COLEC10: variants seen among roughly 807,000 people sequenced by gnomAD.
COLEC10 encodes the protein collectin-10.
COLEC10 carries 22 observed loss-of-function variants against 28.4 expected under a neutral mutation model. The observed-to-expected ratio is 0.78, with a 90% confidence interval of 0.55 to 1.11. The LOEUF is 1.11. Ranked by LOEUF, COLEC10 falls within the 50% of genes least tolerant of loss-of-function variation. The pLI, the probability that COLEC10 is intolerant of heterozygous loss-of-function variation, is 0.00. For missense variants in COLEC10, 361 were observed against 344.1 expected, an observed-to-expected ratio of 1.05 and a Z score of -0.39; for synonymous variants, 125 against 116.1, an observed-to-expected ratio of 1.08 and a Z score of -0.49.
chr8:118,992,334 C>T (rs766843716), upstream of COLEC10, among the ~76,000 whole-genome samples: 1 of 152,054 alleles, frequency 6.6e-6, no homozygotes, highest in Non-Finnish European at 1.5e-5. Flanking sequence ...CTTTAGGGGT[C>T]ATTTATACAG....
At chr8:118,991,820 T>A (rs1264399445), upstream of COLEC10, among the ~76,000 whole-genome samples, 2 of 151,862 alleles carry the variant, frequency 1.3e-5, no homozygotes, top group Non-Finnish European at 2.9e-5. Flanking sequence ...GGTACTGAGA[T>A]AAATTATATT....
At chr8:119,050,506 T>C (rs546714157) in intron 2 of COLEC10, among the ~76,000 whole-genome samples, 2 of 152,330 alleles carry the variant, frequency 1.3e-5, no homozygotes, top group African/African-American at 4.8e-5. Flanking sequence ...TACACACTTA[T>C]AGTCTGATTA....
chr8:119,011,331 G>C, intron 2 of COLEC10, among the ~76,000 whole-genome samples: 1 of 150,746 alleles, frequency 6.6e-6, no homozygotes, highest in Non-Finnish European at 1.5e-5. Context: ...CTGATCCACC[G>C]ATCTATTTGT....
At chr8:119,097,857 T>C (rs540196618) in intron 3 of COLEC10, among the ~76,000 whole-genome samples, 1 of 152,172 alleles carries the variant, frequency 6.6e-6, no homozygotes, top group South Asian at 2.1e-4. Flanking sequence ...AAGTCCAGAA[T>C]TGAAGAACTT....
At chr8:118,969,732 T>C in the COLEC10 span, among the ~76,000 whole-genome samples, 103 of 151,822 alleles carry the variant, frequency 6.8e-4, no homozygotes, top group African/African-American at 2.4e-3. Context: ...TATAATAAAT[T>C]CCTTCATTTA....
Position 119,010,941 on chromosome 8 carries a change from A to C in COLEC10, n.235+1388A>C, listed in dbSNP as rs950192285. ...TCTTACGTCTTTCTCTCAGTGTGTG[A>C]TTCTCTTTCAATTCTCTTGCTAGTG... On this transcript the variant is annotated intron_variant and non_coding_transcript_variant, in intron 2 of 6. Coordinates refer to the COLEC10 transcript ENST00000521788. Among the ~76,000 whole-genome samples the C allele has an allele frequency of 2.7e-5, 4 of 150,834 alleles. 1 individual carries two copies. Among genetic ancestry groups the C allele is most frequent in the African/African-American group, 9.9e-5 (4 of 40,324 alleles).
chr8:118,967,682 T>C, the COLEC10 span, among the ~76,000 whole-genome samples: 1 of 152,144 alleles, frequency 6.6e-6, no homozygotes, highest in African/African-American at 2.4e-5. Flanking sequence ...ATATGTTTTA[T>C]TAGAAAATAA....
At chr8:119,015,999 C>T (rs1813984973) in intron 2 of COLEC10, among the ~76,000 whole-genome samples, 1 of 152,108 alleles carries the variant, frequency 6.6e-6, no homozygotes, top group Non-Finnish European at 1.5e-5. Context: ...TGCTATCATT[C>T]TACCTTTTAC....
intron 1 of COLEC10, among the ~76,000 whole-genome samples, chr8:118,996,350 G>C (rs986948248): frequency 2.6e-5 from 4 of 152,148 alleles, no homozygotes; most frequent in African/African-American, 9.7e-5. Context: ...TTGAGATCTT[G>C]ATTTAAATCA....
At chr8:119,078,506 G>A (rs566717654) in intron 1 of COLEC10, among the ~76,000 whole-genome samples, 1 of 152,220 alleles carries the variant, frequency 6.6e-6, no homozygotes, top group South Asian at 2.1e-4. Flanking sequence ...CAATAGAGAG[G>A]TACTTCAGAA....
In COLEC10 at chr8:119,004,229, C is replaced by T. The variant is rs150460915; in HGVS notation, n.123-5212C>T. The stretch of plus-strand genomic sequence containing the variant: ...TCCAAATTAGTTATTACTAGTTGAG[C>T]GTGGATCCCAACCATCTATTTTAGC... On this transcript the variant is annotated intron_variant and non_coding_transcript_variant, in intron 1 of 6. Transcript: ENST00000521788. 9.3e-3 allele frequency among the ~76,000 whole-genome samples: 1,418 copies of T among 152,078 alleles called. 19 individuals are homozygous for T. The highest frequency in any genetic ancestry group is 0.031 in the African/African-American group (1,269 of 41,514).
chr8:118,970,171 T>G, the COLEC10 span, among the ~76,000 whole-genome samples: 1 of 152,026 alleles, frequency 6.6e-6, no homozygotes, highest in Non-Finnish European at 1.5e-5. Context: ...TAAAAATAGC[T>G]AAGGAAGGGG....
At chr8:119,073,812 T>C (rs1815169979) in intron 1 of COLEC10, among the ~76,000 whole-genome samples, 1 of 152,032 alleles carries the variant, frequency 6.6e-6, no homozygotes, top group Admixed American at 6.6e-5. Flanking sequence ...TACATAATAA[T>C]TTGGATATGT....
intron 1 of COLEC10, among the ~76,000 whole-genome samples, chr8:119,004,997 AGGTAT>A (rs1813768279): frequency 6.6e-6 from 1 of 152,066 alleles, no homozygotes; most frequent in South Asian, 2.1e-4. Context: ...TCTAACATGC[AGGTAT>A]GATCATGTTA....
chr8:118,966,463 A>G, the COLEC10 span, among the ~76,000 whole-genome samples: 1 of 152,172 alleles, frequency 6.6e-6, no homozygotes, highest in South Asian at 2.1e-4. Context: ...ATTATTTTAC[A>G]TAATTTTGTA....
chr8:119,032,542 C>T (rs1217665936), intron 2 of COLEC10, among the ~76,000 whole-genome samples: 1 of 152,170 alleles, frequency 6.6e-6, no homozygotes. Flanking sequence ...GATTATTGCC[C>T]ATCTCTTTAC....
chr8:119,052,863 A>C (rs1814697702), intron 2 of COLEC10, among the ~76,000 whole-genome samples: 1 of 152,194 alleles, frequency 6.6e-6, no homozygotes, highest in Non-Finnish European at 1.5e-5. Context: ...AAATCTCTGC[A>C]AAGTGAAAAT....
At chr8:119,038,472 T>C (rs1356588641) in intron 2 of COLEC10, among the ~76,000 whole-genome samples, 1 of 152,218 alleles carries the variant, frequency 6.6e-6, no homozygotes, top group Non-Finnish European at 1.5e-5. Flanking sequence ...AACAGTCTTC[T>C]TTTAAACTTT....
In COLEC10 at chr8:119,043,827, T is replaced by G. The variant is rs184357689; in HGVS notation, n.235+34274T>G. 4.6e-5 allele frequency among the ~76,000 whole-genome samples: 7 copies of G among 152,342 alleles called. No individual in the cohort carries two copies. The East Asian group carries it at 1.4e-3, about 29-fold the overall frequency. On this transcript the variant is annotated intron_variant and non_coding_transcript_variant, in intron 2 of 6. Transcript: ENST00000521788. ...TAGTCCAACACTCTCCTTTAATGGA[T>G]GCAAATACCGAGTCCAGGAGAGGAC...
Sources: gnomAD v4.1 joint callset for allele counts (sites outside exome capture counted in the v4.1 genomes callset) on GRCh38, gnomAD v4.1.1 for gene constraint, MANE v1.5 for transcripts, NCBI Gene and HGNC (gene_info 2026-07-23, HGNC 2026-07-21) for gene names.